AANAT: variants seen among roughly 807,000 people sequenced by gnomAD.
AANAT encodes the protein serotonin N-acetyltransferase.
A neutral mutation model predicts 15.6 loss-of-function variants in AANAT; 11 were observed. That is an observed-to-expected ratio of 0.71 (90% CI 0.44 to 1.17). The LOEUF is 1.17. Ranked by LOEUF, AANAT falls within the 50% of genes most tolerant of loss-of-function variation. The probability of loss-of-function intolerance (pLI) is 0.00; values close to 1 mark genes in which losing one functional copy is unlikely to be tolerated. For synonymous variants in AANAT, 139 were observed against 131.5 expected (o/e 1.06, Z -0.39); for missense variants, 286 against 296.3 (o/e 0.97, Z 0.26).
At chr17:76,454,911 G>A (rs1010249600) in intron 1 of AANAT, among the ~76,000 whole-genome samples, 1 of 152,058 alleles carries the variant, frequency 6.6e-6, no homozygotes, top group Non-Finnish European at 1.5e-5. Context: ...TGGGAGACCC[G>A]AGGTCAGGAG....
Position 76,460,130 on chromosome 17 carries a change from A to ATTTTTTTTTTTTTT in AANAT, c.-456+787_-456+800dup, listed in dbSNP as rs556197358. ...CAGCCTCAGTCACCTACTTCAGGAA[A>ATTTTTTTTTTTTTT]TTTTTTTTTTTTTTTTTTTTTTTTT... On this transcript the variant is annotated intron_variant, in intron 2 of 6. Coordinates refer to the AANAT transcript ENST00000250615. Among the ~76,000 whole-genome samples, 30 of 88,008 alleles carry ATTTTTTTTTTTTTT rather than the reference A, an allele frequency of 3.4e-4. 4 individuals carry two copies. Among genetic ancestry groups the ATTTTTTTTTTTTTT allele is most frequent in the Non-Finnish European group, 5.1e-4 (26 of 50,936 alleles). 57.7% of individuals were successfully genotyped at this position (88,008 alleles called of 152,430 possible). A position where few individuals can be genotyped will look rare whatever the true frequency, so the allele number is the denominator to read the frequency against.
chr17:76,469,043 G>C lies in AANAT; in HGVS notation c.164-130G>C, dbSNP rs563179180. On this transcript the variant is annotated intron_variant, in intron 2 of 3. Coordinates refer to ENST00000392492, the MANE Select transcript of AANAT (RefSeq NM_001088.3). The surrounding 1 kb of genome is among the most constrained non-coding windows in gnomAD (Gnocchi z 5.2). Reference sequence around the variant, plus strand: ...GACCATGTGTGCGCTCAAGAAAGTGGGGGAAACAGCAGCCCTAACCCCCAT... The same window carrying C: ...GACCATGTGTGCGCTCAAGAAAGTGCGGGAAACAGCAGCCCTAACCCCCAT... The C allele has an allele frequency of 6.7e-7, 1 of 1,498,102 alleles. No individual in the cohort carries two copies. Among genetic ancestry groups the C allele is most frequent in the East Asian group, 2.3e-5 (1 of 43,958 alleles). 92.8% of individuals were successfully genotyped at this position (1,498,102 alleles called of 1,614,324 possible).
At chr17:76,460,845 C>T (rs1349263745) in intron 2 of AANAT, among the ~76,000 whole-genome samples, 1 of 152,118 alleles carries the variant, frequency 6.6e-6, no homozygotes, top group Non-Finnish European at 1.5e-5. Context: ...TCCCACTCAG[C>T]CCTGCCTTTG....
intron 1 of AANAT, among the ~76,000 whole-genome samples, chr17:76,457,568 A>G (rs1187368379): frequency 3.9e-5 from 6 of 152,190 alleles, no homozygotes; most frequent in Middle Eastern, 3.2e-3. Context: ...ATACTCTACT[A>G]AGTGCTTTAC....
At position 76,469,609 on chromosome 17, in the gene AANAT, G is replaced by T. The variant is rs545633399; in HGVS notation, c.319-56G>T. The stretch of plus-strand genomic sequence containing the variant: ...GCTCCCTGCCTGGGTTGGTGGTTGG[G>T]GGGGAGCACGTGTCAGCAGAAGTGA... On this transcript the variant is annotated intron_variant, in intron 3 of 3. Coordinates refer to ENST00000392492, the MANE Select transcript of AANAT (RefSeq NM_001088.3). This position sits in a 1 kb window ranked among gnomAD's most constrained non-coding sequence, Gnocchi z 5.2. The T allele has an allele frequency of 7.0e-6, 10 of 1,425,626 alleles. No homozygotes were observed. Among genetic ancestry groups the T allele is most frequent in the Non-Finnish European group, 9.2e-6 (10 of 1,090,874 alleles). The allele number at this position is 1,425,626 out of a possible 1,614,324, so 88.3% of individuals were successfully genotyped here.
intron 1 of AANAT, among the ~76,000 whole-genome samples, chr17:76,458,783 G>A (rs898877225): frequency 7.2e-5 from 11 of 152,200 alleles, no homozygotes; most frequent in Non-Finnish European, 1.3e-4. Flanking sequence ...CTGTGCAAGC[G>A]ATTTCAGCCT....
intron 2 of AANAT, among the ~76,000 whole-genome samples, chr17:76,461,336 A>G (rs2073386418): frequency 6.6e-6 from 1 of 151,984 alleles, no homozygotes. Flanking sequence ...GCACCTCCCC[A>G]TCACATCCCT....
intron 2 of AANAT, among the ~76,000 whole-genome samples, chr17:76,460,904 C>T (rs544416070): frequency 2.0e-5 from 3 of 152,288 alleles, no homozygotes; most frequent in African/African-American, 7.2e-5. Context: ...GTGGCTCATG[C>T]CTATAATCCC....
In AANAT at chr17:76,468,806, C is replaced by T. The variant is rs200408665; in HGVS notation, c.60C>T (p.Ile20=). 6.1e-5 allele frequency: 98 copies of T among 1,613,370 alleles called. No individual in the cohort carries two copies. Among genetic ancestry groups the T allele is most frequent in the Admixed American group, 1.2e-4 (7 of 59,996 alleles). Reference sequence around the variant, plus strand: ...AGGCCCCACGTCTGCCACCTGGGATCCCCGAGTCCCCGAGCTGTCAGCGGC... The same window carrying T: ...AGGCCCCACGTCTGCCACCTGGGATTCCCGAGTCCCCGAGCTGTCAGCGGC... ...KPEAPRLPPG[I]PESPSCQRRH... The change falls in exon 2 of 4, where the codon ATC becomes ATT. Residue 20 remains isoleucine, a synonymous_variant. Transcript: ENST00000392492.
At chr17:76,465,242 T>A (rs751827473), upstream of AANAT, among the ~76,000 whole-genome samples, 2 of 151,378 alleles carry the variant, frequency 1.3e-5, no homozygotes, top group African/African-American at 4.9e-5. Flanking sequence ...TTAACTGCAA[T>A]AGCAGGACAA....
rs73998903 is a variant in AANAT at position 76,468,257 on chromosome 17, A to G, written c.-75-415A>G. On this transcript the variant is annotated intron_variant, in intron 1 of 3. Coordinates refer to ENST00000392492, the MANE Select transcript of AANAT (RefSeq NM_001088.3). ...GGTGGTGTGGGGGAACCGGGCGCCC[A>G]CCCACTGCACAGTTGCATTAGACGT... Among the ~76,000 whole-genome samples, 30 of 152,246 alleles carry G rather than the reference A, an allele frequency of 2.0e-4. 1 individual carries two copies. In the South Asian group the frequency reaches 3.3e-3, roughly 17 times the overall value.
In AANAT at chr17:76,469,408, G is replaced by A; in HGVS notation, c.318+81G>A. 1 of 1,569,032 alleles carries A rather than the reference G, an allele frequency of 6.4e-7. No individual in the cohort carries two copies. The highest frequency in any genetic ancestry group is 2.2e-5 in the East Asian group (1 of 44,650). On this transcript the variant is annotated intron_variant, in intron 3 of 3. Transcript: ENST00000392492. The surrounding 1 kb of genome is among the most constrained non-coding windows in gnomAD (Gnocchi z 5.2). ...GCCAGATGGCGGGGAGGGGAGCCCA[G>A]GGGCTGGGATTTCTTCCTCCAGAAC...
upstream of AANAT, among the ~76,000 whole-genome samples, chr17:76,464,208 G>A (rs1249991008): frequency 6.6e-6 from 1 of 152,146 alleles, no homozygotes; most frequent in Non-Finnish European, 1.5e-5. Flanking sequence ...CAGGCATGGT[G>A]GTGTGCGCCC....
intron 1 of AANAT, among the ~76,000 whole-genome samples, chr17:76,457,394 G>A (rs978774024): frequency 3.3e-5 from 5 of 152,188 alleles, no homozygotes; most frequent in African/African-American, 1.2e-4. Context: ...TTGTACTCCA[G>A]AGTATGCCTA....
chr17:76,454,309 T>C (rs1306668345), intron 1 of AANAT, among the ~76,000 whole-genome samples: 2 of 143,362 alleles, frequency 1.4e-5, no homozygotes, highest in Non-Finnish European at 3.0e-5. Context: ...ACCCCATCTC[T>C]ACTAAAAATA....
chr17:76,469,579 C>T lies in AANAT; in HGVS notation c.319-86C>T. The T allele has an allele frequency of 2.9e-6, 4 of 1,392,172 alleles. No individual in the cohort carries two copies. In the South Asian group the frequency reaches 6.0e-5, roughly 21 times the overall value. 86.2% of individuals were successfully genotyped at this position (1,392,172 alleles called of 1,614,324 possible). ...GCCCTGACCACAGGCACCCAGGGGACACCTGCTCCCTGCCTGGGTTGGTGG... is the reference window on the plus strand; with the variant it reads ...GCCCTGACCACAGGCACCCAGGGGATACCTGCTCCCTGCCTGGGTTGGTGG... On this transcript the variant is annotated intron_variant, in intron 3 of 3. Transcript: ENST00000392492. This position sits in a 1 kb window ranked among gnomAD's most constrained non-coding sequence, Gnocchi z 5.2.
Position 76,469,383 on chromosome 17 carries a change from GC to G in AANAT, c.318+58del. 6.2e-7 allele frequency: 1 copy of G among 1,603,594 alleles called. No individual in the cohort carries two copies. The highest frequency in any genetic ancestry group is 8.5e-7 in the Non-Finnish European group (1 of 1,174,716). On this transcript the variant is annotated intron_variant, in intron 3 of 3. Transcript: ENST00000392492. The surrounding 1 kb of genome is among the most constrained non-coding windows in gnomAD (Gnocchi z 5.2). ...GGGAGGCCTCTGAAGACAGAGGTCA[GC>G]CAGATGGCGGGGAGGGGAGCCCAGG...
rs535708316 is a variant in AANAT at position 76,460,834 on chromosome 17, G to A, written c.-456+1468G>A. 2.0e-5 allele frequency among the ~76,000 whole-genome samples: 3 copies of A among 152,174 alleles called. No individual in the cohort carries two copies. In the South Asian group the frequency reaches 6.2e-4, roughly 32 times the overall value. ...GATATTGAGCCCCAAATAAGGCAGGGTCCCACTCAGCCCTGCCTTTGAGTC... is the reference window on the plus strand; with the variant it reads ...GATATTGAGCCCCAAATAAGGCAGGATCCCACTCAGCCCTGCCTTTGAGTC... On this transcript the variant is annotated intron_variant, in intron 2 of 6. Coordinates refer to the AANAT transcript ENST00000250615.
At chr17:76,459,467 AC>A (rs1178381855) in intron 2 of AANAT, 1 of 152,194 alleles carries the variant, frequency 6.6e-6, no homozygotes, top group African/African-American at 2.4e-5. Flanking sequence ...TGAGCTGGCC[AC>A]CTGAGGGTCA....
Sources: allele counts gnomAD v4.1 joint callset (sites outside exome capture counted in the v4.1 genomes callset), GRCh38; gene constraint gnomAD v4.1.1; non-coding constraint Gnocchi (gnomAD v3.1); transcripts MANE v1.5; gene names NCBI Gene and HGNC (gene_info 2026-07-23, HGNC 2026-07-21).